SH3BGRL2: variants seen among roughly 807,000 people sequenced by gnomAD.
SH3BGRL2 encodes the protein SH3 domain binding glutamate rich protein like 2.
Under a neutral mutation model 14.8 loss-of-function variants are expected in SH3BGRL2, and 21 were observed. That is an observed-to-expected ratio of 1.42 (90% CI 1.01 to 2.05). The LOEUF is 2.05. Ranked by LOEUF, SH3BGRL2 falls within the 30% of genes most tolerant of loss-of-function variation. The pLI is 0.00. For missense variants in SH3BGRL2, 147 were observed against 130.8 expected (o/e 1.12, Z -0.61); for synonymous variants, 50 against 47.8 (o/e 1.05, Z -0.19).
intron 1 of SH3BGRL2, among the ~76,000 whole-genome samples, chr6:79,636,767 C>T (rs971014837): frequency 3.3e-5 from 5 of 152,092 alleles, no homozygotes; most frequent in African/African-American, 9.7e-5. Flanking sequence ...ATGTATCACC[C>T]TCATCTCTGC....
At chr6:79,615,832 C>CTTTTTTTTTTTTT in the SH3BGRL2 span, among the ~76,000 whole-genome samples, 1 of 109,238 alleles carries the variant, frequency 9.2e-6, no homozygotes, top group African/African-American at 3.6e-5. Flanking sequence ...TTTTTTCTTT[C>CTTTTTTTTTTTTT]TTTTTTTTTT....
At chr6:79,568,265 G>A in the SH3BGRL2 span, among the ~76,000 whole-genome samples, 1 of 151,996 alleles carries the variant, frequency 6.6e-6, no homozygotes, top group Non-Finnish European at 1.5e-5. Context: ...AAGGACACAG[G>A]TACTAAAATA....
At position 79,699,507 on chromosome 6, in the gene SH3BGRL2, TAGAG is replaced by T. The variant is rs1299112017; in HGVS notation, c.324_*3del. 1.5e-6 allele frequency: 2 copies of T among 1,377,704 alleles called. No homozygotes were observed. The highest frequency in any genetic ancestry group is 3.2e-5 in the African/African-American group (2 of 63,034). 85.3% of individuals were successfully genotyped at this position (1,377,704 alleles called of 1,614,324 possible). A position where few individuals can be genotyped will look rare whatever the true frequency, so the allele number is the denominator to read the frequency against. ...TTTTTTTTTTTTATAGGCAGAACCTTAGAGAAGAAGAGTGGAAGATGACGGAGAT... is the reference window on the plus strand; with the variant it reads ...TTTTTTTTTTTTATAGGCAGAACCTTAAGAAGAGTGGAAGATGACGGAGAT... On this transcript the variant is annotated stop_retained_variant and 3_prime_UTR_variant, in exon 4 of 4. Transcript: ENST00000369838.
intron 1 of SH3BGRL2, among the ~76,000 whole-genome samples, chr6:79,648,255 C>CGCCTATATATATATATAT (rs749278658): frequency 1.6e-5 from 1 of 62,472 alleles, no homozygotes; most frequent in Non-Finnish European, 2.9e-5. Flanking sequence ...ATTCTTTTGG[C>CGCCTATATATATATATAT]ATATATATAT....
chr6:79,674,395 T>C (rs904883105), intron 2 of SH3BGRL2, among the ~76,000 whole-genome samples: 4 of 152,128 alleles, frequency 2.6e-5, no homozygotes, highest in African/African-American at 9.7e-5. Context: ...TACGAGAAGA[T>C]GAAAAAGTCA....
At chr6:79,555,496 G>T in the SH3BGRL2 span, among the ~76,000 whole-genome samples, 1 of 152,118 alleles carries the variant, frequency 6.6e-6, no homozygotes, top group South Asian at 2.1e-4. Context: ...CATAAACTTG[G>T]ACGCATAAAC....
chr6:79,619,336 CCTCA>C, the SH3BGRL2 span, among the ~76,000 whole-genome samples: 2 of 151,258 alleles, frequency 1.3e-5, no homozygotes, highest in African/African-American at 4.9e-5. Context: ...GTTTTTTTTT[CCTCA>C]CTAACAATAT....
chr6:79,645,636 A>G (rs942351621), intron 1 of SH3BGRL2, among the ~76,000 whole-genome samples: 1 of 152,246 alleles, frequency 6.6e-6, no homozygotes, highest in Non-Finnish European at 1.5e-5. Flanking sequence ...GTGGGAAACC[A>G]TAAGATTATA....
chr6:79,553,448 A>G, the SH3BGRL2 span, among the ~76,000 whole-genome samples: 1 of 152,240 alleles, frequency 6.6e-6, no homozygotes, highest in Non-Finnish European at 1.5e-5. Flanking sequence ...TGTGGCTCCA[A>G]TTAAGAAACA....
Position 79,699,750 on chromosome 6 carries a change from C to T in SH3BGRL2, c.*241C>T, listed in dbSNP as rs1770415839. 1.3e-5 allele frequency: 6 copies of T among 455,672 alleles called. No homozygotes were observed. The East Asian group carries it at 1.6e-4, about 12-fold the overall frequency. 28.2% of individuals were successfully genotyped at this position (455,672 alleles called of 1,614,324 possible). A position where few individuals can be genotyped will look rare whatever the true frequency, so the allele number is the denominator to read the frequency against. On this transcript the variant is annotated 3_prime_UTR_variant, in exon 4 of 4. Transcript: ENST00000369838. ...ATTTGCCTGCAGTTGCCTCACTCAC[C>T]TGGAAATACCGTCACCTGTTACAGG...
chr6:79,658,887 G>A (rs563647154), intron 1 of SH3BGRL2, among the ~76,000 whole-genome samples: 6 of 152,296 alleles, frequency 3.9e-5, no homozygotes, highest in Admixed American at 2.6e-4. Context: ...TTTCTCTGAC[G>A]ACCAGTGATG....
chr6:79,589,973 A>T, the SH3BGRL2 span, among the ~76,000 whole-genome samples: 10 of 151,916 alleles, frequency 6.6e-5, no homozygotes, highest in African/African-American at 2.4e-4. Flanking sequence ...TGGTTTGGCC[A>T]TGTTGCCCAG....
intron 2 of SH3BGRL2, among the ~76,000 whole-genome samples, chr6:79,678,174 T>C (rs528681831): frequency 1.3e-5 from 2 of 152,352 alleles, no homozygotes; most frequent in Non-Finnish European, 2.9e-5. Context: ...ACACTTACTA[T>C]CTTAAGCACT....
intron 1 of SH3BGRL2, 80 bp downstream of exon 1, chr6:79,631,586 G>A (rs1400674324): frequency 1.7e-6 from 2 of 1,178,046 alleles, no homozygotes; most frequent in Non-Finnish European, 2.2e-6. Flanking sequence ...TCGTCACTGC[G>A]CGTCCTTGCG....
chr6:79,598,857 C>T, the SH3BGRL2 span, among the ~76,000 whole-genome samples: 196 of 151,586 alleles, frequency 1.3e-3, no homozygotes, highest in African/African-American at 4.0e-3. Flanking sequence ...CCGAGGTGGG[C>T]GGATCACCTG....
chr6:79,588,869 T>C, the SH3BGRL2 span, among the ~76,000 whole-genome samples: 1 of 152,122 alleles, frequency 6.6e-6, no homozygotes, highest in Non-Finnish European at 1.5e-5. Context: ...TCCAAAGTCA[T>C]ATAGCCATTG....
chr6:79,587,303 T>C, the SH3BGRL2 span, among the ~76,000 whole-genome samples: 1 of 150,882 alleles, frequency 6.6e-6, no homozygotes, highest in South Asian at 2.1e-4. Context: ...GAAGTAGGGG[T>C]GTCTAGCCAC....
the SH3BGRL2 span, chr6:79,552,827 C>G: frequency 6.6e-6 from 1 of 152,306 alleles, no homozygotes; most frequent in Admixed American, 6.5e-5. Context: ...AATAGGGGCT[C>G]TGCATATTAT....
the SH3BGRL2 span, among the ~76,000 whole-genome samples, chr6:79,558,512 A>G: frequency 6.6e-5 from 10 of 152,318 alleles, no homozygotes; most frequent in African/African-American, 1.9e-4. Flanking sequence ...TACACTAACT[A>G]TATATAGTCA....
Sources: allele counts gnomAD v4.1 joint callset (sites outside exome capture counted in the v4.1 genomes callset), GRCh38; gene constraint gnomAD v4.1.1; transcripts MANE v1.5; gene names NCBI Gene and HGNC (gene_info 2026-07-23, HGNC 2026-07-21).